SGCZ: variants seen among roughly 807,000 people sequenced by gnomAD.
SGCZ encodes sarcoglycan zeta.
In SGCZ, 40 loss-of-function variants were observed where a neutral mutation model predicts 41.3. The observed-to-expected ratio is 0.97, with a 90% CI of 0.75 to 1.26. SGCZ has a LOEUF of 1.26. Ranked by LOEUF, SGCZ falls within the 50% of genes most tolerant of loss-of-function variation. The pLI, the probability that SGCZ is intolerant of heterozygous loss-of-function variation, is 0.00. For synonymous variants in SGCZ, 206 were observed against 137.5 expected (o/e 1.50, Z -3.49); for missense variants, 552 against 369.8 (o/e 1.49, Z -4.04).
chr8:14,516,656 C>T (rs966623889), intron 2 of SGCZ, among the ~76,000 whole-genome samples: 1 of 151,948 alleles, frequency 6.6e-6, no homozygotes, highest in Non-Finnish European at 1.5e-5. Flanking sequence ...AAAAGCATCC[C>T]ATAAAGTTGA....
intron 1 of SGCZ, among the ~76,000 whole-genome samples, chr8:14,601,358 A>G (rs1805583134): frequency 1.3e-5 from 2 of 152,190 alleles, no homozygotes; most frequent in Admixed American, 6.5e-5. Context: ...TAAGGTTTAT[A>G]TCAAGAGAGT....
intron 1 of SGCZ, among the ~76,000 whole-genome samples, chr8:15,126,004 G>A (rs1807666806): frequency 6.6e-6 from 1 of 152,020 alleles, no homozygotes; most frequent in African/African-American, 2.4e-5. Flanking sequence ...AAATTAGCCG[G>A]GCGTGCTAGT....
At chr8:15,159,748 C>CG (rs1554468748) in intron 1 of SGCZ, among the ~76,000 whole-genome samples, 1 of 54,984 alleles carries the variant, frequency 1.8e-5, no homozygotes, top group Non-Finnish European at 4.3e-5. Context: ...CCACCCTCCC[C>CG]CCCACCCCCG....
intron 1 of SGCZ, among the ~76,000 whole-genome samples, chr8:15,047,791 T>A (rs188253840): frequency 7.5e-4 from 114 of 152,142 alleles, no homozygotes; most frequent in African/African-American, 2.6e-3. Context: ...ACTTTTATCA[T>A]CGTACCGCAG....
chr8:15,227,174 T>C (rs1171879925), intron 1 of SGCZ, among the ~76,000 whole-genome samples: 2 of 152,008 alleles, frequency 1.3e-5, no homozygotes, highest in African/African-American at 2.4e-5. Context: ...AGAAACCACA[T>C]GAGTAGATAA....
At chr8:14,616,114 T>C (rs1806092790) in intron 1 of SGCZ, among the ~76,000 whole-genome samples, 1 of 151,938 alleles carries the variant, frequency 6.6e-6, no homozygotes, top group Non-Finnish European at 1.5e-5. Context: ...AAACCTCATC[T>C]CTACTAAAAA....
At chr8:14,099,103 AT>A (rs1273113978) in intron 7 of SGCZ, among the ~76,000 whole-genome samples, 1 of 152,226 alleles carries the variant, frequency 6.6e-6, no homozygotes, top group African/African-American at 2.4e-5. Flanking sequence ...AGATAGAGGT[AT>A]AAGTCATAAG....
At chr8:14,819,173 G>A (rs958057678) in intron 1 of SGCZ, among the ~76,000 whole-genome samples, 1 of 151,760 alleles carries the variant, frequency 6.6e-6, no homozygotes, top group East Asian at 1.9e-4. Context: ...TCTAAAAGCT[G>A]CAAGAGAATA....
At chr8:14,187,712 A>G (rs1402899145) in intron 4 of SGCZ, among the ~76,000 whole-genome samples, 1 of 152,160 alleles carries the variant, frequency 6.6e-6, no homozygotes, top group Admixed American at 6.5e-5. Flanking sequence ...GACACCATTA[A>G]GAATGTGAAC....
chr8:14,579,123 G>T (rs1007824162), intron 1 of SGCZ, among the ~76,000 whole-genome samples: 1 of 152,008 alleles, frequency 6.6e-6, no homozygotes, highest in Non-Finnish European at 1.5e-5. Flanking sequence ...AACAGAAAGA[G>T]AAAATAAAGT....
At chr8:14,443,020 C>T (rs7386141) in intron 2 of SGCZ, among the ~76,000 whole-genome samples, 1 of 151,722 alleles carries the variant, frequency 6.6e-6, no homozygotes. Context: ...CCAATAACAG[C>T]CAAACAGAGA....
intron 2 of SGCZ, among the ~76,000 whole-genome samples, chr8:14,336,581 T>C (rs1347692844): frequency 6.6e-6 from 1 of 152,164 alleles, no homozygotes; most frequent in Non-Finnish European, 1.5e-5. Flanking sequence ...TCTCTTTTCT[T>C]TGCAACTTCG....
At chr8:14,179,319 G>T (rs1351062891) in intron 4 of SGCZ, among the ~76,000 whole-genome samples, 1 of 152,100 alleles carries the variant, frequency 6.6e-6, no homozygotes, top group African/African-American at 2.4e-5. Context: ...TAAAACAAGT[G>T]GTCCTTAGGC....
At chr8:14,457,738 G>T (rs1800789552) in intron 2 of SGCZ, among the ~76,000 whole-genome samples, 2 of 152,210 alleles carry the variant, frequency 1.3e-5, no homozygotes, top group African/African-American at 4.8e-5. Flanking sequence ...GCCAGGCAGA[G>T]AAGGGCCCCC....
chr8:14,993,670 G>C (rs79491095), intron 1 of SGCZ, among the ~76,000 whole-genome samples: 3,381 of 152,280 alleles, frequency 0.022, 144 homozygotes, highest in African/African-American at 0.077. Context: ...AGCCGGGGCA[G>C]TGAGCAAAAG....
intron 4 of SGCZ, among the ~76,000 whole-genome samples, chr8:14,229,751 T>G (rs1171021816): frequency 1.3e-5 from 2 of 152,096 alleles, no homozygotes; most frequent in Non-Finnish European, 2.9e-5. Flanking sequence ...CTGCAGTCAA[T>G]TAAATGATTC....
intron 1 of SGCZ, among the ~76,000 whole-genome samples, chr8:14,689,561 T>G (rs2117565801): frequency 6.6e-6 from 1 of 152,292 alleles, no homozygotes; most frequent in East Asian, 1.9e-4. Context: ...CTTTTGTTAT[T>G]ACTAACATAA....
chr8:14,692,389 C>G (rs1808827856), intron 1 of SGCZ, among the ~76,000 whole-genome samples: 1 of 152,026 alleles, frequency 6.6e-6, no homozygotes, highest in Non-Finnish European at 1.5e-5. Context: ...ATGACCAGGA[C>G]TATTATCAGA....
rs191252132 is a variant in SGCZ at position 14,286,406 on chromosome 8, A to G, written c.336+37697T>C. 4.1e-4 allele frequency among the ~76,000 whole-genome samples: 62 copies of G among 152,250 alleles called. 1 individual carries two copies. The highest frequency in any genetic ancestry group is 1.4e-3 in the African/African-American group (60 of 41,558). ...TCTAATTAGCGAATGCGTGCAGAGT[A>G]TATTTAAAATGACATAGATAACTCA... On this transcript the variant is annotated intron_variant, in intron 3 of 7. Transcript: ENST00000382080.
Sources: allele counts gnomAD v4.1 joint callset (sites outside exome capture counted in the v4.1 genomes callset), GRCh38; gene constraint gnomAD v4.1.1; transcripts MANE v1.5; gene names NCBI Gene and HGNC (gene_info 2026-07-23, HGNC 2026-07-21).